RHBDD1: variants seen among roughly 807,000 people sequenced by gnomAD.
RHBDD1 encodes the protein rhomboid domain containing 1, also known as rhomboid-related protein 4.
A neutral mutation model predicts 36.3 loss-of-function variants in RHBDD1; 38 were observed. The ratio of observed to expected loss-of-function variants is 1.05; its 90% CI spans 0.81 to 1.37. The LOEUF (loss-of-function observed/expected upper bound fraction) is 1.37. Among genes scored for constraint, RHBDD1 ranks in the 40% most tolerant of loss-of-function variants. RHBDD1 has a pLI of 0.00. For synonymous variants in RHBDD1, 151 were observed against 136.5 expected (o/e 1.11, Z -0.74); for missense variants, 393 against 377.6 (o/e 1.04, Z -0.34).
chr2:226,982,742 G>A (rs921332700), intron 8 of RHBDD1, among the ~76,000 whole-genome samples: 2 of 152,134 alleles, frequency 1.3e-5, no homozygotes, highest in African/African-American at 2.4e-5. Flanking sequence ...TGCCCTAATG[G>A]TGTGTTAGCT....
chr2:226,900,283 A>G (rs1258833733), intron 5 of RHBDD1, among the ~76,000 whole-genome samples: 1 of 152,222 alleles, frequency 6.6e-6, no homozygotes, highest in African/African-American at 2.4e-5. Context: ...TCTCAAGTTG[A>G]GATACATGAT....
At chr2:226,899,176 A>T (rs570585907) in intron 5 of RHBDD1, among the ~76,000 whole-genome samples, 1 of 152,354 alleles carries the variant, frequency 6.6e-6, no homozygotes, top group South Asian at 2.1e-4. Context: ...GCGTTACAAT[A>T]GCCTCTTAAA....
chr2:226,941,729 T>A (rs2149161828), intron 8 of RHBDD1, among the ~76,000 whole-genome samples: 1 of 152,248 alleles, frequency 6.6e-6, no homozygotes, highest in East Asian at 1.9e-4. Flanking sequence ...AAAAAAGTAA[T>A]CTATAATTTC....
Position 226,936,891 on chromosome 2 carries a change from G to A in RHBDD1, c.856+22540G>A, listed in dbSNP as rs1372520821. ...AAATGACCTATTTCAGTTAAGCTAA[G>A]CAATATATTAGATTTAGGAAAGAGA... On this transcript the variant is annotated intron_variant, in intron 8 of 8. Coordinates refer to ENST00000392062, the MANE Select transcript of RHBDD1 (RefSeq NM_001167608.3). Among the ~76,000 whole-genome samples, 6 of 152,068 alleles carry A rather than the reference G, an allele frequency of 3.9e-5. No individual in the cohort carries two copies. In the East Asian group the frequency reaches 9.6e-4, roughly 24 times the overall value.
intron 3 of RHBDD1, among the ~76,000 whole-genome samples, chr2:226,862,267 A>G (rs1943921802): frequency 6.6e-6 from 1 of 151,462 alleles, no homozygotes; most frequent in African/African-American, 2.4e-5. Flanking sequence ...AGGAGGTTTT[A>G]TGTTTCTTAA....
At chr2:226,841,650 C>G (rs1941647342) in intron 3 of RHBDD1, among the ~76,000 whole-genome samples, 1 of 152,190 alleles carries the variant, frequency 6.6e-6, no homozygotes, top group Non-Finnish European at 1.5e-5. Context: ...CTTTGTGTGG[C>G]TGCATAATAT....
chr2:226,831,787 T>C (rs1394741428), upstream of RHBDD1, among the ~76,000 whole-genome samples: 2 of 152,178 alleles, frequency 1.3e-5, no homozygotes, highest in Non-Finnish European at 2.9e-5. Flanking sequence ...TTTGTGTCTG[T>C]CTAGGAATTT....
chr2:226,939,381 G>A (rs1384485247), intron 8 of RHBDD1, among the ~76,000 whole-genome samples: 1 of 152,138 alleles, frequency 6.6e-6, no homozygotes, highest in South Asian at 2.1e-4. Flanking sequence ...AAACTCCGTC[G>A]TCTCAGCCCA....
rs1360055825 is a variant in RHBDD1 at position 226,983,386 on chromosome 2, G to A, written c.857-12045G>A. 2.6e-5 allele frequency among the ~76,000 whole-genome samples: 4 copies of A among 152,136 alleles called. No individual in the cohort carries two copies. In the East Asian group the frequency reaches 7.7e-4, roughly 29 times the overall value. Reference sequence around the variant, plus strand: ...GTATTGGGTAGCTGTGGGACCTGGGGCCAGTTATGTGGTTCACTTTATTTG... The same window carrying A: ...GTATTGGGTAGCTGTGGGACCTGGGACCAGTTATGTGGTTCACTTTATTTG... On this transcript the variant is annotated intron_variant, in intron 8 of 8. Coordinates refer to ENST00000392062, the MANE Select transcript of RHBDD1 (RefSeq NM_001167608.3).
chr2:226,856,975 A>C (rs1943393490), intron 3 of RHBDD1, among the ~76,000 whole-genome samples: 2 of 152,096 alleles, frequency 1.3e-5, no homozygotes, highest in Admixed American at 1.3e-4. Flanking sequence ...ATCACAGGGG[A>C]ATGGTAGAGC....
At chr2:226,813,119 A>G in the RHBDD1 span, among the ~76,000 whole-genome samples, 10 of 152,210 alleles carry the variant, frequency 6.6e-5, no homozygotes, top group African/African-American at 2.4e-4. Flanking sequence ...AATATCCACA[A>G]GGAAGAATTT....
At chr2:226,887,529 A>G (rs1260293057) in intron 5 of RHBDD1, among the ~76,000 whole-genome samples, 1 of 152,226 alleles carries the variant, frequency 6.6e-6, no homozygotes, top group Non-Finnish European at 1.5e-5. Flanking sequence ...TGAACTCTCA[A>G]CAGAGGGTCA....
chr2:226,982,594 G>A (rs968044605), intron 8 of RHBDD1, among the ~76,000 whole-genome samples: 4 of 152,332 alleles, frequency 2.6e-5, no homozygotes, highest in African/African-American at 9.6e-5. Context: ...GGCAAAGCTT[G>A]TGAATTTCAT....
chr2:226,962,145 T>A (rs1485240627), intron 8 of RHBDD1, among the ~76,000 whole-genome samples: 1 of 152,196 alleles, frequency 6.6e-6, no homozygotes, highest in African/African-American at 2.4e-5. Context: ...TGCTGCAGTC[T>A]TTCTAAAGTG....
chr2:226,849,234 G>A (rs1397838210), intron 3 of RHBDD1, among the ~76,000 whole-genome samples: 1 of 152,222 alleles, frequency 6.6e-6, no homozygotes, highest in African/African-American at 2.4e-5. Flanking sequence ...CAGTCAGTAG[G>A]ACCAATTTAG....
chr2:226,959,342 A>G (rs1026714491), intron 8 of RHBDD1, among the ~76,000 whole-genome samples: 3 of 152,184 alleles, frequency 2.0e-5, no homozygotes, highest in African/African-American at 7.2e-5. Flanking sequence ...TTGATATATA[A>G]CCCATAATCA....
chr2:226,828,253 CATA>C, the RHBDD1 span, among the ~76,000 whole-genome samples: 8 of 152,294 alleles, frequency 5.3e-5, no homozygotes, highest in South Asian at 1.0e-3. Context: ...TCTCAACTAA[CATA>C]ATGTTTTTGA....
At chr2:226,914,169 C>T in intron 7 of RHBDD1, 39 bp from the exon 8 acceptor site, 1 of 1,603,040 alleles carries the variant, frequency 6.2e-7, no homozygotes, top group East Asian at 2.2e-5. Context: ...AAACAACAGT[C>T]CATAGCTGTG....
intron 5 of RHBDD1, among the ~76,000 whole-genome samples, chr2:226,894,121 G>A (rs1260964674): frequency 2.0e-5 from 3 of 152,180 alleles, no homozygotes; most frequent in African/African-American, 4.8e-5. Context: ...AACCTTGAAT[G>A]TGGTACTTGA....
Sources: gnomAD v4.1 joint callset for allele counts (sites outside exome capture counted in the v4.1 genomes callset) on GRCh38, gnomAD v4.1.1 for gene constraint, MANE v1.5 for transcripts, NCBI Gene and HGNC (gene_info 2026-07-23, HGNC 2026-07-21) for gene names.